SAMD5: variants seen among roughly 807,000 people sequenced by gnomAD.
SAMD5 encodes sterile alpha motif domain containing 5, also known as sterile alpha motif domain-containing protein 5.
In SAMD5, 13 loss-of-function variants were observed where a neutral mutation model predicts 11.3. The observed-to-expected ratio is 1.15, with a 90% CI of 0.75 to 1.83. The LOEUF (loss-of-function observed/expected upper bound fraction) is 1.83. SAMD5 is among the 40% of genes most tolerant of loss of function. The probability of loss-of-function intolerance (pLI) is 0.00; values close to 1 mark genes in which losing one functional copy is unlikely to be tolerated. For synonymous variants in SAMD5, 129 were observed against 111.3 expected (o/e 1.16, Z -1.00); for missense variants, 255 against 239.1 (o/e 1.07, Z -0.44).
the SAMD5 span, among the ~76,000 whole-genome samples, chr6:147,941,943 G>A: frequency 1.3e-5 from 2 of 152,092 alleles, no homozygotes; most frequent in Middle Eastern, 3.4e-3. Flanking sequence ...GTGCAATCTC[G>A]GCTCACTGCA....
chr6:147,902,353 G>A, the SAMD5 span, among the ~76,000 whole-genome samples: 57 of 152,102 alleles, frequency 3.7e-4, 1 homozygote, highest in East Asian at 4.3e-3. Context: ...TTTGGACCTT[G>A]ATTTAGTTTT....
At chr6:147,582,327 C>A (rs1244095032) in intron 1 of SAMD5, among the ~76,000 whole-genome samples, 6 of 96,840 alleles carry the variant, frequency 6.2e-5, no homozygotes, top group African/African-American at 1.5e-4. Flanking sequence ...AGATCCGCAC[C>A]CCCCCACCAA....
chr6:147,530,147 G>GCAT (rs1788406032), intron 1 of SAMD5, among the ~76,000 whole-genome samples: 1 of 152,210 alleles, frequency 6.6e-6, no homozygotes, highest in South Asian at 2.1e-4. Context: ...AAACATATTA[G>GCAT]AGGTTTCGCT....
intron 1 of SAMD5, among the ~76,000 whole-genome samples, chr6:147,509,808 A>G (rs929088974): frequency 2.0e-5 from 3 of 152,006 alleles, no homozygotes; most frequent in Non-Finnish European, 2.9e-5. Flanking sequence ...TCCTTTTTTG[A>G]GTCTTGAGAA....
chr6:147,530,687 GC>G (rs1788416920), intron 1 of SAMD5, among the ~76,000 whole-genome samples: 2 of 152,220 alleles, frequency 1.3e-5, no homozygotes, highest in African/African-American at 4.8e-5. Flanking sequence ...TCCTGCAAAA[GC>G]TAAGAATCAC....
chr6:147,933,290 A>G, the SAMD5 span, among the ~76,000 whole-genome samples: 1 of 152,214 alleles, frequency 6.6e-6, no homozygotes, highest in African/African-American at 2.4e-5. Context: ...TGACATCTGC[A>G]TGGGGAACAA....
chr6:147,811,454 G>A, the SAMD5 span, among the ~76,000 whole-genome samples: 2,315 of 152,236 alleles, frequency 0.015, 67 homozygotes, highest in African/African-American at 0.053. Context: ...CTTTTCCTTA[G>A]GCAATGTGGA....
chr6:147,782,220 C>T, the SAMD5 span, among the ~76,000 whole-genome samples: 6 of 151,896 alleles, frequency 4.0e-5, no homozygotes, highest in African/African-American at 1.2e-4. Flanking sequence ...CAGTACTAGG[C>T]TTAAAGGTTG....
At chr6:147,870,243 G>A in the SAMD5 span, among the ~76,000 whole-genome samples, 2 of 151,924 alleles carry the variant, frequency 1.3e-5, no homozygotes, top group Non-Finnish European at 2.9e-5. Flanking sequence ...CATCTAGCAC[G>A]GTGCTGGGAA....
At chr6:147,594,586 G>C (rs1789502417) in intron 1 of SAMD5, among the ~76,000 whole-genome samples, 1 of 151,908 alleles carries the variant, frequency 6.6e-6, no homozygotes, top group Non-Finnish European at 1.5e-5. Context: ...AGATATAATA[G>C]AGTTATGATG....
chr6:147,652,062 A>G (rs949075), intron 1 of SAMD5, among the ~76,000 whole-genome samples: 37,239 of 152,260 alleles, frequency 0.24, 4,776 homozygotes, highest in Non-Finnish European at 0.29. Flanking sequence ...AGATCAGAAT[A>G]ACGTATCTTA....
At chr6:147,676,716 A>T (rs185372756) in intron 1 of SAMD5, among the ~76,000 whole-genome samples, 117 of 152,160 alleles carry the variant, frequency 7.7e-4, no homozygotes, top group African/African-American at 2.5e-3. Context: ...AGAGAAAGTA[A>T]CATTTAAACC....
At chr6:147,555,060 C>A (rs563769795) in intron 1 of SAMD5, among the ~76,000 whole-genome samples, 2 of 152,298 alleles carry the variant, frequency 1.3e-5, no homozygotes, top group South Asian at 2.1e-4. Context: ...CATATGCACA[C>A]CCACATATAC....
intron 1 of SAMD5, among the ~76,000 whole-genome samples, chr6:147,683,009 T>C (rs1338953417): frequency 2.0e-5 from 3 of 152,220 alleles, no homozygotes; most frequent in African/African-American, 7.2e-5. Context: ...CAAGTAACCG[T>C]GTCGTTTTCT....
chr6:147,789,334 C>T, the SAMD5 span, among the ~76,000 whole-genome samples: 1 of 150,976 alleles, frequency 6.6e-6, no homozygotes, highest in East Asian at 2.0e-4. Flanking sequence ...AAACCCAAAA[C>T]ACTACCGCAC....
intron 1 of SAMD5, among the ~76,000 whole-genome samples, chr6:147,592,372 G>C (rs962306325): frequency 6.6e-6 from 1 of 152,098 alleles, no homozygotes; most frequent in African/African-American, 2.4e-5. Context: ...TCAGTCCAGG[G>C]AAAGAGGTGG....
the SAMD5 span, among the ~76,000 whole-genome samples, chr6:147,918,050 T>G: frequency 5.9e-5 from 9 of 152,330 alleles, no homozygotes; most frequent in East Asian, 1.5e-3. Context: ...GGCTCTTTTT[T>G]GGTTCCATAT....
chr6:147,724,924 A>C (rs1289638303), intron 1 of SAMD5, among the ~76,000 whole-genome samples: 1 of 130,442 alleles, frequency 7.7e-6, no homozygotes, highest in Non-Finnish European at 1.5e-5. Flanking sequence ...TCAAAAAAAC[A>C]AAAAAAAACT....
chr6:147,626,995 T>C (rs758209903), intron 1 of SAMD5, among the ~76,000 whole-genome samples: 5 of 152,162 alleles, frequency 3.3e-5, no homozygotes, highest in Non-Finnish European at 5.9e-5. Flanking sequence ...GAAAAAGTAC[T>C]TTAGGTCATA....
Sources: gnomAD v4.1 joint callset for allele counts (sites outside exome capture counted in the v4.1 genomes callset) on GRCh38, gnomAD v4.1.1 for gene constraint, MANE v1.5 for transcripts, NCBI Gene and HGNC (gene_info 2026-07-23, HGNC 2026-07-21) for gene names.